INSC: variants seen among roughly 807,000 people sequenced by gnomAD.
INSC encodes protein inscuteable homolog.
Under a neutral mutation model 58.6 loss-of-function variants are expected in INSC, and 67 were observed. That is an observed-to-expected ratio of 1.14 (90% CI 0.94 to 1.40). The LOEUF is 1.40. INSC is among the 40% of genes most tolerant of loss of function. INSC has a pLI of 0.00. For synonymous variants in INSC, 262 were observed against 276.1 expected (o/e 0.95, Z 0.51); for missense variants, 714 against 692.0 (o/e 1.03, Z -0.36).
At chr11:15,173,152 A>G (rs1215201087) in intron 2 of INSC, among the ~76,000 whole-genome samples, 1 of 152,226 alleles carries the variant, frequency 6.6e-6, no homozygotes, top group Non-Finnish European at 1.5e-5. Context: ...TAAGTTGTGG[A>G]ATATACGCAA....
intron 6 of INSC, among the ~76,000 whole-genome samples, chr11:15,199,735 G>C (rs565832783): frequency 6.6e-6 from 1 of 152,152 alleles, no homozygotes; most frequent in Non-Finnish European, 1.5e-5. Flanking sequence ...TGCCCTGAGG[G>C]ACCCAGTTCA....
chr11:15,165,825 A>C (rs1307349579), intron 2 of INSC, among the ~76,000 whole-genome samples: 1 of 152,112 alleles, frequency 6.6e-6, no homozygotes, highest in Non-Finnish European at 1.5e-5. Flanking sequence ...AAAGGGTGTC[A>C]GAATCATTCA....
intron 1 of INSC, among the ~76,000 whole-genome samples, chr11:15,138,597 C>G (rs186667393): frequency 6.0e-4 from 91 of 152,326 alleles, no homozygotes; most frequent in Non-Finnish European, 8.4e-4. Flanking sequence ...TTAATTCTCT[C>G]TAGTGGAAAG....
chr11:15,130,974 TTTTG>T (rs1409123029), intron 1 of INSC, among the ~76,000 whole-genome samples: 3 of 152,074 alleles, frequency 2.0e-5, no homozygotes, highest in Admixed American at 1.3e-4. Context: ...ACTTTAGTCA[TTTTG>T]TTTGTTTTGT....
intron 6 of INSC, among the ~76,000 whole-genome samples, chr11:15,191,347 GC>G (rs374945083): frequency 2.6e-5 from 4 of 152,038 alleles, no homozygotes; most frequent in South Asian, 4.1e-4. Context: ...GAAATCTGGT[GC>G]CCCCAGAGCC....
chr11:15,250,103 T>C (rs548338696), downstream of INSC, among the ~76,000 whole-genome samples: 9 of 152,348 alleles, frequency 5.9e-5, no homozygotes, highest in Non-Finnish European at 8.8e-5. Context: ...TCTACATCTA[T>C]ATACTGTGTC....
intron 9 of INSC, among the ~76,000 whole-genome samples, chr11:15,226,053 G>A (rs1435131135): frequency 1.3e-5 from 2 of 152,104 alleles, no homozygotes; most frequent in African/African-American, 4.8e-5. Context: ...CATGCTGCAG[G>A]AAGGTAAAAG....
intron 6 of INSC, among the ~76,000 whole-genome samples, chr11:15,200,153 TCACACACACACA>T (rs57120673): frequency 8.2e-5 from 12 of 146,938 alleles, no homozygotes; most frequent in African/African-American, 1.8e-4. Flanking sequence ...AAGGGTTATA[TCACACACACACA>T]CACACACACA....
upstream of INSC, among the ~76,000 whole-genome samples, chr11:15,113,268 C>G (rs1847619277): frequency 6.6e-6 from 1 of 152,092 alleles, no homozygotes; most frequent in Admixed American, 6.6e-5. Context: ...TCAAGCTATT[C>G]TCTTGCCTCA....
rs1852584737 is a variant in INSC, at chr11:15,246,918, C to A, written c.*878C>A. 1 of 152,178 alleles carries A rather than the reference C, an allele frequency of 6.6e-6. No homozygotes were observed. The highest frequency in any genetic ancestry group is 2.4e-5 in the African/African-American group (1 of 41,446). 9.4% of individuals were successfully genotyped at this position (152,178 alleles called of 1,614,324 possible). A position where few individuals can be genotyped will look rare whatever the true frequency, so the allele number is the denominator to read the frequency against. The stretch of plus-strand genomic sequence containing the variant: ...TTCTTCCTAACTCTGCACTCAGTGA[C>A]CTTGCGTTGGTAGCCATGAGCTACT... On this transcript the variant is annotated 3_prime_UTR_variant, in exon 13 of 13. Transcript: ENST00000379556.
intron 6 of INSC, among the ~76,000 whole-genome samples, chr11:15,198,047 A>G (rs1261002029): frequency 2.6e-5 from 4 of 152,172 alleles, no homozygotes; most frequent in Admixed American, 1.3e-4. Context: ...CTCAAGACCA[A>G]TCCATTTTAT....
chr11:15,227,540 G>A (rs1851688163), intron 9 of INSC, among the ~76,000 whole-genome samples: 1 of 152,188 alleles, frequency 6.6e-6, no homozygotes, highest in Non-Finnish European at 1.5e-5. Flanking sequence ...TCCAAACTAT[G>A]TATGATATGT....
chr11:15,157,551 T>C (rs1238937637), intron 2 of INSC, among the ~76,000 whole-genome samples: 1 of 152,162 alleles, frequency 6.6e-6, no homozygotes, highest in Non-Finnish European at 1.5e-5. Flanking sequence ...CCAGAACTGC[T>C]CTGTGTAATC....
At chr11:15,224,216 AG>A (rs1415356417) in intron 8 of INSC, among the ~76,000 whole-genome samples, 40 of 152,246 alleles carry the variant, frequency 2.6e-4, no homozygotes, top group African/African-American at 9.4e-4. Flanking sequence ...AAGAAATGGT[AG>A]CTGCTGATAC....
chr11:15,216,205 C>A lies in INSC; in HGVS notation c.820-5272C>A, dbSNP rs11824274. ...AGAGCAAATGGTAAAAAGTGGTGAGCTAGGGAGGAGCCTAAAAGTGTGGTG... is the reference window on the plus strand; with the variant it reads ...AGAGCAAATGGTAAAAAGTGGTGAGATAGGGAGGAGCCTAAAAGTGTGGTG... On this transcript the variant is annotated intron_variant, in intron 7 of 12. Transcript: ENST00000379556. 5.5e-3 allele frequency among the ~76,000 whole-genome samples: 834 copies of A among 152,158 alleles called. 5 individuals carry two copies. The highest frequency in any genetic ancestry group is 0.019 in the African/African-American group (788 of 41,496).
At chr11:15,177,043 C>A in intron 3 of INSC, 68 bp from the exon 4 acceptor site, 2 of 1,223,844 alleles carry the variant, frequency 1.6e-6, no homozygotes, top group Non-Finnish European at 2.4e-6. Flanking sequence ...TCCCCGTGTG[C>A]TCAGCACAGC....
intron 12 of INSC, among the ~76,000 whole-genome samples, chr11:15,242,596 C>A (rs1384405941): frequency 6.6e-6 from 1 of 152,152 alleles, no homozygotes; most frequent in Non-Finnish European, 1.5e-5. Flanking sequence ...CTCTCCAGGC[C>A]CTGTCCACCT....
intron 8 of INSC, among the ~76,000 whole-genome samples, chr11:15,222,721 T>C (rs1289817499): frequency 1.3e-5 from 2 of 152,202 alleles, no homozygotes; most frequent in East Asian, 3.8e-4. Flanking sequence ...ACTTTGCACA[T>C]AGAAGACATC....
intron 12 of INSC, among the ~76,000 whole-genome samples, chr11:15,242,583 ACT>A (rs1364838505): frequency 6.6e-6 from 1 of 151,768 alleles, no homozygotes; most frequent in Non-Finnish European, 1.5e-5. Flanking sequence ...CAGACCTACC[ACT>A]CTCTCCAGGC....
Sources: allele counts gnomAD v4.1 joint callset (sites outside exome capture counted in the v4.1 genomes callset), GRCh38; gene constraint gnomAD v4.1.1; transcripts MANE v1.5; gene names NCBI Gene and HGNC (gene_info 2026-07-23, HGNC 2026-07-21).